PALD1: variants seen among roughly 807,000 people sequenced by gnomAD.
PALD1 encodes the protein paladin.
In PALD1, 57 loss-of-function variants were observed where a neutral mutation model predicts 96.0. The ratio of observed to expected loss-of-function variants is 0.59; its 90% CI spans 0.48 to 0.74. The LOEUF (loss-of-function observed/expected upper bound fraction) is 0.74. PALD1 is among the 30% of genes least tolerant of loss of function. PALD1 has a pLI of 0.00. For synonymous variants in PALD1, 464 were observed against 473.6 expected (o/e 0.98, Z 0.26); for missense variants, 1,063 against 1,143.7 (o/e 0.93, Z 1.02).
At chr10:70,480,637 C>T (rs1351527002) in intron 1 of PALD1, among the ~76,000 whole-genome samples, 5 of 152,222 alleles carry the variant, frequency 3.3e-5, no homozygotes, top group African/African-American at 9.7e-5. Flanking sequence ...TGGAGCACTT[C>T]GTGGAGGTGG....
At chr10:70,475,343 G>A (rs560612511), upstream of PALD1, among the ~76,000 whole-genome samples, 14 of 152,292 alleles carry the variant, frequency 9.2e-5, no homozygotes, top group Admixed American at 2.6e-4. Context: ...CAGGGGATCC[G>A]TCTGTGTTGG....
intron 1 of PALD1, among the ~76,000 whole-genome samples, chr10:70,490,346 T>C (rs1054217537): frequency 3.3e-5 from 5 of 152,106 alleles, no homozygotes; most frequent in Non-Finnish European, 7.4e-5. Flanking sequence ...CTCAGTCTCC[T>C]GAGTAGCTAG....
At chr10:70,555,786 G>C (rs956785842) in intron 18 of PALD1, among the ~76,000 whole-genome samples, 3 of 152,186 alleles carry the variant, frequency 2.0e-5, no homozygotes, top group African/African-American at 7.2e-5. Context: ...CGGATCACTA[G>C]GTCAGGAGAT....
At chr10:70,529,807 C>G in intron 3 of PALD1, 82 bp from the exon 4 acceptor site, 1 of 1,274,590 alleles carries the variant, frequency 7.8e-7, no homozygotes, top group Non-Finnish European at 1.1e-6. Context: ...CTCCCTGTCC[C>G]CTGGAGCCCA....
chr10:70,561,700 A>G (rs1589222053), intron 18 of PALD1, among the ~76,000 whole-genome samples: 1 of 149,642 alleles, frequency 6.7e-6, no homozygotes, highest in Non-Finnish European at 1.5e-5. Flanking sequence ...CTCCATACCC[A>G]CTCCAGGCCT....
intron 18 of PALD1, among the ~76,000 whole-genome samples, chr10:70,561,471 C>T (rs1178125463): frequency 2.6e-5 from 4 of 152,296 alleles, no homozygotes; most frequent in South Asian, 4.1e-4. Context: ...TGCATTGTGG[C>T]GCAGACCGTC....
intron 3 of PALD1, 113 bp from the exon 4 acceptor site, chr10:70,529,776 C>A (rs1232867004): frequency 3.5e-6 from 3 of 850,014 alleles, no homozygotes; most frequent in South Asian, 1.7e-5. Flanking sequence ...GGATCATGTT[C>A]TTTTTGCCCC....
chr10:70,564,625 A>G (rs1847807946), intron 19 of PALD1, 106 bp downstream of exon 19: 6 of 1,024,110 alleles, frequency 5.9e-6, no homozygotes, highest in Non-Finnish European at 8.7e-6. Flanking sequence ...ACCCCGTGAC[A>G]GGCGGGAAGA....
At chr10:70,560,414 C>G (rs534845620) in intron 18 of PALD1, among the ~76,000 whole-genome samples, 22 of 149,910 alleles carry the variant, frequency 1.5e-4, no homozygotes, top group South Asian at 2.1e-4. Flanking sequence ...GAAGGGTTAA[C>G]TAAGCATGTG....
chr10:70,492,448 CTTTTTT>C (rs1157960799), intron 1 of PALD1, among the ~76,000 whole-genome samples: 4 of 80,166 alleles, frequency 5.0e-5, no homozygotes, highest in East Asian at 4.7e-4. Flanking sequence ...GCATTTTTGA[CTTTTTT>C]TTTTTTTTTT....
chr10:70,498,789 G>A (rs886614421), intron 1 of PALD1, among the ~76,000 whole-genome samples: 5 of 152,060 alleles, frequency 3.3e-5, no homozygotes, highest in Admixed American at 2.0e-4. Flanking sequence ...TTAGCCAGAC[G>A]TGGTAGCGCG....
chr10:70,464,369 G>A, the PALD1 span, among the ~76,000 whole-genome samples: 21 of 151,772 alleles, frequency 1.4e-4, no homozygotes, highest in Non-Finnish European at 2.6e-4. Context: ...GTGCCACCAT[G>A]CCCAGCTAAT....
chr10:70,524,613 G>A (rs1299531461), intron 1 of PALD1, among the ~76,000 whole-genome samples: 1 of 152,208 alleles, frequency 6.6e-6, no homozygotes, highest in Non-Finnish European at 1.5e-5. Context: ...GCATCCTGGT[G>A]TCTGTCCCTT....
chr10:70,490,928 G>T (rs1589171133), intron 1 of PALD1, among the ~76,000 whole-genome samples: 1 of 152,170 alleles, frequency 6.6e-6, no homozygotes, highest in East Asian at 1.9e-4. Context: ...TGGCATTATT[G>T]AAATCTGCTT....
intron 1 of PALD1, among the ~76,000 whole-genome samples, chr10:70,498,550 G>T (rs776323649): frequency 1.3e-5 from 2 of 151,728 alleles, no homozygotes; most frequent in Non-Finnish European, 2.9e-5. Context: ...AAAGTGTTGA[G>T]ATAACAATCA....
At chr10:70,551,731 T>G (rs1459146946) in intron 18 of PALD1, among the ~76,000 whole-genome samples, 2 of 152,170 alleles carry the variant, frequency 1.3e-5, no homozygotes, top group African/African-American at 4.8e-5. Flanking sequence ...ATAAAACTAT[T>G]CCAGGGCCCT....
chr10:70,567,316 C>T lies in PALD1; in HGVS notation c.*583C>T, dbSNP rs1465987385. On this transcript the variant is annotated 3_prime_UTR_variant, in exon 20 of 20. Transcript: ENST00000263563. The stretch of plus-strand genomic sequence containing the variant: ...ACCCAGTTTTCTGGACTCTCATGCC[C>T]CCATCTCCGACCTGGGAGACTTCAG... 1 of 152,840 alleles carries T rather than the reference C, an allele frequency of 6.5e-6. No individual in the cohort carries two copies. Among genetic ancestry groups the T allele is most frequent in the Non-Finnish European group, 1.5e-5 (1 of 68,232 alleles). The allele number at this position is 152,840 out of a possible 1,614,324, so 9.5% of individuals were successfully genotyped here. A position where few individuals can be genotyped will look rare whatever the true frequency, so the allele number is the denominator to read the frequency against.
upstream of PALD1, among the ~76,000 whole-genome samples, chr10:70,473,844 C>T (rs1012866013): frequency 4.0e-5 from 6 of 151,878 alleles, no homozygotes; most frequent in East Asian, 1.9e-4. Flanking sequence ...GACGGGGTTT[C>T]GCCATGTTGG....
At chr10:70,460,124 C>G in the PALD1 span, among the ~76,000 whole-genome samples, 1 of 152,214 alleles carries the variant, frequency 6.6e-6, no homozygotes, top group Non-Finnish European at 1.5e-5. Context: ...TGCGGCTAAG[C>G]TTCCCTTCCG....
Sources: gnomAD v4.1 joint callset for allele counts (sites outside exome capture counted in the v4.1 genomes callset) on GRCh38, gnomAD v4.1.1 for gene constraint, MANE v1.5 for transcripts, NCBI Gene and HGNC (gene_info 2026-07-23, HGNC 2026-07-21) for gene names.